CDH13: variants seen among roughly 807,000 people sequenced by gnomAD.
CDH13 encodes the protein cadherin-13.
In CDH13, 24 loss-of-function variants were observed where a neutral mutation model predicts 63.8. The observed-to-expected ratio is 0.38, with a 90% CI of 0.27 to 0.53. The LOEUF is 0.53. CDH13 is among the 20% of genes least tolerant of loss of function. The pLI, the probability that CDH13 is intolerant of heterozygous loss-of-function variation, is 0.85. For synonymous variants in CDH13, 503 were observed against 355.3 expected, an observed-to-expected ratio of 1.42 and a Z score of -4.67; for missense variants, 1,049 against 903.1, an observed-to-expected ratio of 1.16 and a Z score of -2.07.
At chr16:82,961,861 A>G (rs1029518797) in intron 2 of CDH13, among the ~76,000 whole-genome samples, 1 of 152,190 alleles carries the variant, frequency 6.6e-6, no homozygotes, top group Admixed American at 6.5e-5. Flanking sequence ...TCTAGTGGGT[A>G]GAGGTCAGTG....
chr16:83,476,923 A>G (rs1567698711), intron 6 of CDH13, among the ~76,000 whole-genome samples: 1 of 152,188 alleles, frequency 6.6e-6, no homozygotes, highest in Non-Finnish European at 1.5e-5. Flanking sequence ...AAAGAACTTC[A>G]TGGGAATGGT....
At chr16:83,445,792 G>A (rs1014126967) in intron 6 of CDH13, among the ~76,000 whole-genome samples, 4 of 152,152 alleles carry the variant, frequency 2.6e-5, no homozygotes, top group Non-Finnish European at 5.9e-5. Flanking sequence ...GGGGAGAAGT[G>A]TTTAGCTTGG....
intron 10 of CDH13, among the ~76,000 whole-genome samples, chr16:83,712,682 A>G (rs1908249575): frequency 6.6e-6 from 1 of 152,222 alleles, no homozygotes; most frequent in Non-Finnish European, 1.5e-5. Flanking sequence ...TTGTCTACAC[A>G]TCTATCCTTT....
intron 13 of CDH13, among the ~76,000 whole-genome samples, chr16:83,792,299 C>T (rs910365930): frequency 5.3e-5 from 8 of 152,194 alleles, no homozygotes; most frequent in Admixed American, 3.3e-4. Context: ...AAGCTAAGGG[C>T]TTTACATAAA....
At chr16:83,747,993 G>A in intron 10 of CDH13, 115 bp from the exon 11 acceptor site, 1 of 1,114,200 alleles carries the variant, frequency 9.0e-7, no homozygotes, top group East Asian at 2.4e-5. Flanking sequence ...GATGGTTTTG[G>A]ATTTTTGTTA....
chr16:82,754,347 A>T (rs2034533381), intron 1 of CDH13, among the ~76,000 whole-genome samples: 1 of 152,200 alleles, frequency 6.6e-6, no homozygotes, highest in Non-Finnish European at 1.5e-5. Flanking sequence ...TGATTGTTGA[A>T]TGAATAACCG....
rs528632286 is a variant in CDH13 at position 83,676,717 on chromosome 16, G to A, written c.1285-1491G>A. ...GAGTTGTTCTAGGTGAAGAGAGGAA[G>A]TCCAGTTACAACCAGGAAGCATCTC... On this transcript the variant is annotated intron_variant, in intron 9 of 13. Coordinates refer to ENST00000567109, the MANE Select transcript of CDH13 (RefSeq NM_001257.5). Among the ~76,000 whole-genome samples the A allele has an allele frequency of 5.9e-5, 9 of 152,320 alleles. No homozygotes were observed. In the South Asian group the frequency reaches 1.5e-3, roughly 25 times the overall value.
chr16:82,681,825 T>C (rs1398448705), intron 1 of CDH13, among the ~76,000 whole-genome samples: 1 of 152,214 alleles, frequency 6.6e-6, no homozygotes, highest in African/African-American at 2.4e-5. Context: ...CGTCAATGTG[T>C]AAACACCAAC....
At chr16:83,506,445 A>G (rs2074397712) in intron 7 of CDH13, among the ~76,000 whole-genome samples, 1 of 152,204 alleles carries the variant, frequency 6.6e-6, no homozygotes, top group Admixed American at 6.5e-5. Flanking sequence ...GATCCAAACT[A>G]CAGTCTGACC....
intron 4 of CDH13, among the ~76,000 whole-genome samples, chr16:83,166,509 CAT>C (rs2037678803): frequency 6.6e-6 from 1 of 152,070 alleles, no homozygotes; most frequent in Non-Finnish European, 1.5e-5. Context: ...GTCTCAGAAA[CAT>C]ATGAACTTCA....
chr16:83,260,047 G>C (rs536821509), intron 5 of CDH13, among the ~76,000 whole-genome samples: 1 of 139,220 alleles, frequency 7.2e-6, no homozygotes, highest in Non-Finnish European at 1.5e-5. Context: ...TTTTTGGCAG[G>C]TTCTCACAGT....
intron 1 of CDH13, chr16:82,646,253 G>A (rs1869436436): frequency 6.6e-6 from 1 of 152,250 alleles, no homozygotes; most frequent in Admixed American, 6.5e-5. Flanking sequence ...GCAGTGGCGT[G>A]ATCTCGGCTC....
intron 1 of CDH13, among the ~76,000 whole-genome samples, chr16:82,791,687 G>C (rs1438585241): frequency 6.6e-6 from 1 of 152,190 alleles, no homozygotes; most frequent in African/African-American, 2.4e-5. Flanking sequence ...TCCTGATCCA[G>C]CGAGGCTCCC....
chr16:83,412,714 A>G (rs1198083192), intron 6 of CDH13, among the ~76,000 whole-genome samples: 4 of 152,198 alleles, frequency 2.6e-5, no homozygotes, highest in Admixed American at 1.3e-4. Context: ...TTTCTTACCC[A>G]TGGTTCCTAA....
intron 4 of CDH13, among the ~76,000 whole-genome samples, chr16:83,147,754 C>G (rs894641181): frequency 6.6e-6 from 1 of 152,140 alleles, no homozygotes; most frequent in Non-Finnish European, 1.5e-5. Flanking sequence ...TTTTGTTTGT[C>G]CACCTGAGTA....
chr16:83,486,018 C>G (rs569097624), intron 6 of CDH13, among the ~76,000 whole-genome samples: 1 of 152,280 alleles, frequency 6.6e-6, no homozygotes, highest in Admixed American at 6.5e-5. Context: ...TGACACACAA[C>G]TGTAATCCCA....
At chr16:83,121,480 C>T (rs2035572374) in intron 3 of CDH13, among the ~76,000 whole-genome samples, 1 of 152,118 alleles carries the variant, frequency 6.6e-6, no homozygotes, top group East Asian at 1.9e-4. Flanking sequence ...AGCACATTGG[C>T]CAGCATACGC....
At chr16:83,339,957 G>A (rs1387939512) in intron 5 of CDH13, among the ~76,000 whole-genome samples, 1 of 152,138 alleles carries the variant, frequency 6.6e-6, no homozygotes. Context: ...TCTCAATGGA[G>A]GAAAATAATT....
At chr16:83,266,537 C>T (rs1907643130) in intron 5 of CDH13, among the ~76,000 whole-genome samples, 1 of 152,182 alleles carries the variant, frequency 6.6e-6, no homozygotes, top group South Asian at 2.1e-4. Flanking sequence ...CAGGAACCCA[C>T]TCCCACTGTA....
Sources: gnomAD v4.1 joint callset for allele counts (sites outside exome capture counted in the v4.1 genomes callset) on GRCh38, gnomAD v4.1.1 for gene constraint, MANE v1.5 for transcripts, NCBI Gene and HGNC (gene_info 2026-07-23, HGNC 2026-07-21) for gene names.